The following CALN1 variants were observed in gnomAD, a reference collection of about 807,000 sequenced individuals.
The protein encoded by CALN1 is calcium-binding protein 8.
Under a neutral mutation model 30.6 loss-of-function variants are expected in CALN1, and 17 were observed. That is an observed-to-expected ratio of 0.56 (90% CI 0.38 to 0.83). The LOEUF (loss-of-function observed/expected upper bound fraction) is 0.83, where lower values mean the gene tolerates loss of function less well. Among genes scored for constraint, CALN1 ranks in the 40% least tolerant of loss-of-function variants. CALN1 has a pLI of 0.00. For missense variants in CALN1, 291 were observed against 354.9 expected (o/e 0.82, Z 1.45); for synonymous variants, 156 against 131.4 (o/e 1.19, Z -1.28).
At chr7:72,040,723 G>A (rs1802073407) in intron 4 of CALN1, among the ~76,000 whole-genome samples, 1 of 152,152 alleles carries the variant, frequency 6.6e-6, no homozygotes, top group South Asian at 2.1e-4. Context: ...TGCAAACCAA[G>A]GAGAGAGGCC....
Position 72,006,718 on chromosome 7 carries a change from A to C in CALN1, c.501+16939T>G, listed in dbSNP as rs181269798. Among the ~76,000 whole-genome samples, 4 of 152,296 alleles carry C rather than the reference A, an allele frequency of 2.6e-5. No homozygotes were observed. In the East Asian group the frequency reaches 7.7e-4, roughly 29 times the overall value. The stretch of plus-strand genomic sequence containing the variant: ...GACCACGAAGGCTATTTATAGGTAT[A>C]AATGGTAATCATGGATGCATAATGG... On this transcript the variant is annotated intron_variant, in intron 5 of 6. Coordinates refer to ENST00000395275, the MANE Select transcript of CALN1 (RefSeq NM_031468.4).
intron 4 of CALN1, among the ~76,000 whole-genome samples, chr7:72,100,084 C>T (rs962936116): frequency 1.3e-5 from 2 of 151,962 alleles, no homozygotes; most frequent in Non-Finnish European, 2.9e-5. Flanking sequence ...AGCTGGGGTC[C>T]AATGAGAGAA....
intron 3 of CALN1, among the ~76,000 whole-genome samples, chr7:72,243,037 C>A (rs1470479361): frequency 6.6e-6 from 1 of 152,162 alleles, no homozygotes; most frequent in Non-Finnish European, 1.5e-5. Flanking sequence ...CTGAACCTAA[C>A]CAGTAATCCA....
intron 3 of CALN1, 84 bp from the exon 4 acceptor site, chr7:72,106,378 C>T (rs1192988870): frequency 6.6e-7 from 1 of 1,517,576 alleles, no homozygotes; most frequent in Non-Finnish European, 9.0e-7. Context: ...CTACTGAGAA[C>T]TCCTAACTGC....
At chr7:72,089,310 T>C (rs1406893369) in intron 4 of CALN1, among the ~76,000 whole-genome samples, 2 of 152,090 alleles carry the variant, frequency 1.3e-5, no homozygotes, top group Non-Finnish European at 2.9e-5. Flanking sequence ...AAGTAAGATA[T>C]CTACCTTCCA....
At chr7:71,788,717 G>C (rs1793134087) in intron 6 of CALN1, among the ~76,000 whole-genome samples, 1 of 151,924 alleles carries the variant, frequency 6.6e-6, no homozygotes, top group African/African-American at 2.4e-5. Flanking sequence ...GAGTGCAGTG[G>C]CATGATCTTG....
At chr7:72,317,910 A>AG (rs2129557002) in intron 2 of CALN1, among the ~76,000 whole-genome samples, 1 of 152,334 alleles carries the variant, frequency 6.6e-6, no homozygotes, top group Admixed American at 6.5e-5. Flanking sequence ...ACAGAAAAAA[A>AG]GAATGTCAAA....
chr7:71,945,045 G>C (rs1796336842), intron 5 of CALN1, among the ~76,000 whole-genome samples: 1 of 152,206 alleles, frequency 6.6e-6, no homozygotes, highest in Non-Finnish European at 1.5e-5. Context: ...GATCCCTCAT[G>C]AATGTCTTGA....
chr7:72,004,089 G>C (rs1799654440), intron 5 of CALN1, among the ~76,000 whole-genome samples: 1 of 152,126 alleles, frequency 6.6e-6, no homozygotes, highest in Non-Finnish European at 1.5e-5. Flanking sequence ...AATCTTGACA[G>C]GAAAGAATAA....
intron 4 of CALN1, among the ~76,000 whole-genome samples, chr7:72,087,343 C>T (rs990368961): frequency 2.6e-5 from 4 of 152,132 alleles, no homozygotes; most frequent in African/African-American, 9.7e-5. Flanking sequence ...ACCAGCCTGG[C>T]CAACATGGTG....
chr7:72,263,362 G>T (rs945889550), intron 3 of CALN1, among the ~76,000 whole-genome samples: 4 of 152,132 alleles, frequency 2.6e-5, no homozygotes, highest in African/African-American at 9.7e-5. Context: ...CAAATGCCAT[G>T]CATCTTCAAC....
intron 2 of CALN1, among the ~76,000 whole-genome samples, chr7:72,307,335 A>T (rs555084836): frequency 1.3e-5 from 2 of 152,316 alleles, no homozygotes; most frequent in African/African-American, 4.8e-5. Flanking sequence ...TGGAAATAAG[A>T]CTACAGCACA....
At chr7:72,297,315 GA>G (rs561512854) in intron 2 of CALN1, among the ~76,000 whole-genome samples, 1 of 151,684 alleles carries the variant, frequency 6.6e-6, no homozygotes, top group South Asian at 2.1e-4. Flanking sequence ...AAGAAAATAG[GA>G]AAAAAAGGAA....
At position 72,034,795 on chromosome 7, in the gene CALN1, CAAAAAA is replaced by C. The variant is rs57756121; in HGVS notation, c.389-11032_389-11027del. 4.6e-4 allele frequency among the ~76,000 whole-genome samples: 24 copies of C among 52,632 alleles called. 1 individual carries two copies. The highest frequency in any genetic ancestry group is 3.3e-3 in the East Asian group (5 of 1,508). 34.5% of individuals were successfully genotyped at this position (52,632 alleles called of 152,430 possible). ...AGAATGACAGAGTGAGACTCTGTCT[CAAAAAA>C]AAAAAAAAAAAAAAAAAAGTCTCCA... is the stretch of plus-strand genomic sequence containing the variant. On this transcript the variant is annotated intron_variant, in intron 4 of 6. Transcript: ENST00000395275.
chr7:72,312,171 A>C (rs73129589), intron 2 of CALN1, among the ~76,000 whole-genome samples: 3,404 of 152,258 alleles, frequency 0.022, 74 homozygotes, highest in South Asian at 0.074. Flanking sequence ...TGAGAGGCTG[A>C]GGCCAGAGTA....
chr7:71,805,637 C>G (rs1562794829), intron 6 of CALN1, among the ~76,000 whole-genome samples: 1 of 152,154 alleles, frequency 6.6e-6, no homozygotes, highest in African/African-American at 2.4e-5. Flanking sequence ...TTGACACACA[C>G]TCAGTGTTGA....
intron 6 of CALN1, among the ~76,000 whole-genome samples, chr7:71,807,886 T>G (rs1352582854): frequency 6.6e-6 from 1 of 152,086 alleles, no homozygotes; most frequent in African/African-American, 2.4e-5. Flanking sequence ...CCATCCTCAC[T>G]AACACAGTGA....
intron 2 of CALN1, among the ~76,000 whole-genome samples, chr7:72,311,743 T>G (rs1800070690): frequency 7.3e-6 from 1 of 137,700 alleles, no homozygotes; most frequent in Non-Finnish European, 1.5e-5. Context: ...GCGATCCACC[T>G]GCCTCAGCCT....
intron 6 of CALN1, among the ~76,000 whole-genome samples, chr7:71,795,910 C>T (rs1409510344): frequency 1.3e-5 from 2 of 150,656 alleles, no homozygotes; most frequent in Non-Finnish European, 2.9e-5. Flanking sequence ...GCTCCGCCTC[C>T]CGGGTTCACG....
Sources: allele counts gnomAD v4.1 joint callset (sites outside exome capture counted in the v4.1 genomes callset), GRCh38; gene constraint gnomAD v4.1.1; transcripts MANE v1.5; gene names NCBI Gene and HGNC (gene_info 2026-07-23, HGNC 2026-07-21).